Variants in FAM13B observed in about 807,000 individuals in gnomAD.
FAM13B encodes the protein protein FAM13B.
FAM13B carries 60 observed loss-of-function variants against 117.3 expected under a neutral mutation model. The ratio of observed to expected loss-of-function variants is 0.51; its 90% CI spans 0.42 to 0.63. FAM13B has a LOEUF of 0.63. Ranked by LOEUF, FAM13B falls within the 30% of genes least tolerant of loss-of-function variation. FAM13B has a pLI of 0.00. For synonymous variants in FAM13B, 332 were observed against 356.1 expected (o/e 0.93, Z 0.76); for missense variants, 972 against 1,091.9 (o/e 0.89, Z 1.55).
In FAM13B at chr5:138,021,212, C is replaced by A. The variant is rs1182522644; in HGVS notation, c.-202-15G>T. On this transcript the variant is annotated splice_polypyrimidine_tract_variant and intron_variant, in intron 1 of 23. Coordinates refer to ENST00000689681, the MANE Select transcript of FAM13B (RefSeq NM_001385994.1). ...CAGCAGTTAATCTACAAGACAAAAA[C>A]AATTATTTCAATTTCCCACATCTTT... 4 of 1,230,650 alleles carry A rather than the reference C, an allele frequency of 3.3e-6. No homozygotes were observed. The highest frequency in any genetic ancestry group is 4.1e-6 in the Non-Finnish European group (4 of 987,148). 76.2% of individuals were successfully genotyped at this position (1,230,650 alleles called of 1,614,324 possible). A position where few individuals can be genotyped will look rare whatever the true frequency, so the allele number is the denominator to read the frequency against.
chr5:137,991,808 A>G (rs1778665687), intron 7 of FAM13B, among the ~76,000 whole-genome samples: 1 of 152,236 alleles, frequency 6.6e-6, no homozygotes, highest in Non-Finnish European at 1.5e-5. Context: ...CATGAAAGGT[A>G]AAATAATAAA....
chr5:138,041,653 A>C (rs1212550056), intron 1 of FAM13B, among the ~76,000 whole-genome samples: 1 of 152,136 alleles, frequency 6.6e-6, no homozygotes, highest in East Asian at 1.9e-4. Context: ...TAAAAGTCAA[A>C]GAGCTGGGCA....
At chr5:138,035,331 T>C (rs1033341666), upstream of FAM13B, among the ~76,000 whole-genome samples, 10 of 151,980 alleles carry the variant, frequency 6.6e-5, no homozygotes, top group African/African-American at 2.4e-4. Context: ...TTTTATACCC[T>C]ACCCACAAAG....
Position 137,954,169 on chromosome 5 carries a change from G to A in FAM13B, c.1715C>T (p.Thr572Ile). 1.2e-6 allele frequency: 2 copies of A among 1,611,400 alleles called. No individual in the cohort carries two copies. The highest frequency in any genetic ancestry group is 1.7e-6 in the Non-Finnish European group (2 of 1,178,802). ...TAAGTACATAAAAATCATATACCTA[G>A]TAAAAGACAGTGCTTTAGATGAGGA... The part of the protein sequence containing the change: ...LDSSSKALSF[T>I]RIRRSSFSSK... Residue 572 changes from threonine (T) to isoleucine (I), a missense_variant, in exon 15 of 24, where the codon ACT becomes ATT. Physicochemically the swap from Thr to Ile is moderately conservative, Grantham distance 89. Transcript: ENST00000689681.
chr5:138,009,888 C>T (rs952234909), intron 6 of FAM13B, among the ~76,000 whole-genome samples: 2 of 150,220 alleles, frequency 1.3e-5, no homozygotes, highest in African/African-American at 4.9e-5. Flanking sequence ...AGCAAAATAT[C>T]AAAAAAAATT....
At chr5:137,972,864 T>A (rs1462208992) in intron 10 of FAM13B, among the ~76,000 whole-genome samples, 4 of 151,800 alleles carry the variant, frequency 2.6e-5, no homozygotes, top group African/African-American at 4.8e-5. Flanking sequence ...CACAATTGCT[T>A]CAAAGAGAAT....
At position 138,018,472 on chromosome 5, in the gene FAM13B, G is replaced by A. The variant is rs138794234; in HGVS notation, c.200C>T (p.Ala67Val). 17 of 1,614,002 alleles carry A rather than the reference G, an allele frequency of 1.1e-5. No individual in the cohort carries two copies. The highest frequency in any genetic ancestry group is 1.4e-5 in the Non-Finnish European group (17 of 1,180,032). The change falls in exon 4 of 24, where the codon GCT (alanine) becomes GTT (valine). Residue 67 changes from alanine (A) to valine (V), a missense_variant. Coordinates refer to ENST00000689681, the MANE Select transcript of FAM13B (RefSeq NM_001385994.1). ...QQGLFQVNGN[A>V]ETVEWLRQRY... ...CTGCCGAAGCCACTCCACTGTCTCA[G>A]CATTTCCATTGACTTGAAAAAGTCC...
intron 1 of FAM13B, among the ~76,000 whole-genome samples, chr5:138,041,611 T>C (rs1791501871): frequency 1.3e-5 from 2 of 152,108 alleles, no homozygotes; most frequent in Non-Finnish European, 2.9e-5. Context: ...ATATGAGTAA[T>C]TACAATCAGT....
Position 138,040,178 on chromosome 5 carries a change from C to G in FAM13B, c.-203+11700G>C, listed in dbSNP as rs192454434. On this transcript the variant is annotated intron_variant, in intron 1 of 3. Coordinates refer to the FAM13B transcript ENST00000502471. ...ACTGGGGAGGCTGAGGCAGGAGAAT[C>G]ATTTGAACCCAGGAGGCAGAGGTTG... 1.3e-3 allele frequency among the ~76,000 whole-genome samples: 185 copies of G among 138,900 alleles called. 3 individuals carry two copies. Among genetic ancestry groups the G allele is most frequent in the Middle Eastern group, 0.013 (3 of 234 alleles). The allele number at this position is 138,900 out of a possible 152,430, so 91.1% of individuals were successfully genotyped here. A position where few individuals can be genotyped will look rare whatever the true frequency, so the allele number is the denominator to read the frequency against.
rs1444014521 is a variant in FAM13B at position 137,949,151 on chromosome 5, A to G, written c.1964T>C (p.Val655Ala). Residue 655 changes from valine to alanine, a missense_variant, in exon 18 of 24, where the codon GTA becomes GCA. Coordinates refer to ENST00000689681, the MANE Select transcript of FAM13B (RefSeq NM_001385994.1). ...GTTACTACGTGGACGTGTCTGAGGT[A>G]CAAATTCTCCATCAGAATTTTTGTG... ...AKHKNSDGEF[V>A]PQTRPRSNTL... 15 of 1,614,040 alleles carry G rather than the reference A, an allele frequency of 9.3e-6. No individual in the cohort carries two copies. Among genetic ancestry groups the G allele is most frequent in the Non-Finnish European group, 1.1e-5 (13 of 1,180,044 alleles).
At chr5:137,978,618 C>T (rs1016262246) in intron 10 of FAM13B, among the ~76,000 whole-genome samples, 1 of 152,150 alleles carries the variant, frequency 6.6e-6, no homozygotes, top group African/African-American at 2.4e-5. Flanking sequence ...CCTCCTTTTA[C>T]CTCTCTATTT....
At chr5:137,946,868 T>C (rs746128554) in intron 18 of FAM13B, among the ~76,000 whole-genome samples, 2 of 152,238 alleles carry the variant, frequency 1.3e-5, no homozygotes, top group Non-Finnish European at 2.9e-5. Context: ...GGAAGCAGTA[T>C]AGTGGAAAGA....
rs1011672684 is a variant in FAM13B at position 138,032,934 on chromosome 5, G to A, written c.-355C>T. 9 of 985,892 alleles carry A rather than the reference G, an allele frequency of 9.1e-6. No homozygotes were observed. The Middle Eastern group carries it at 1.5e-3, about 169-fold the overall frequency. The allele number at this position is 985,892 out of a possible 1,614,324, so 61.1% of individuals were successfully genotyped here. A position where few individuals can be genotyped will look rare whatever the true frequency, so the allele number is the denominator to read the frequency against. ...CTGACGGGAGGTTAAAGCTACGGCT[G>A]TGGCGCGGGGCCAGCCCGGTAAGCG... On this transcript the variant is annotated 5_prime_UTR_variant, in exon 1 of 24. Transcript: ENST00000689681.
intron 18 of FAM13B, among the ~76,000 whole-genome samples, chr5:137,947,189 C>CGAG (rs1561732345): frequency 1.3e-5 from 2 of 152,228 alleles, no homozygotes; most frequent in African/African-American, 4.8e-5. Context: ...ACCAAATAAT[C>CGAG]TCTCTACTTA....
chr5:137,942,734 A>C, intron 22 of FAM13B, 141 bp downstream of exon 22: 3 of 644,670 alleles, frequency 4.7e-6, no homozygotes, highest in Non-Finnish European at 7.5e-6. Context: ...ATATTTGCAA[A>C]TCACACTTGA....
upstream of FAM13B, among the ~76,000 whole-genome samples, chr5:138,052,176 C>T (rs375113465): frequency 2.1e-4 from 32 of 151,754 alleles, no homozygotes; most frequent in Middle Eastern, 3.2e-3. Context: ...CAACACCCTC[C>T]TGCTGTGCTA....
intron 7 of FAM13B, among the ~76,000 whole-genome samples, chr5:137,993,639 T>G (rs969499471): frequency 6.7e-6 from 1 of 149,818 alleles, no homozygotes; most frequent in Non-Finnish European, 1.5e-5. Context: ...ACAAAAAAAT[T>G]AGCTAGGCAT....
intron 1 of FAM13B, among the ~76,000 whole-genome samples, chr5:138,041,841 G>T (rs1014212730): frequency 2.0e-5 from 3 of 151,562 alleles, no homozygotes; most frequent in Non-Finnish European, 4.4e-5. Context: ...ATTCAAGCCT[G>T]CAGTAAGCAC....
intron 10 of FAM13B, among the ~76,000 whole-genome samples, chr5:137,967,022 G>T (rs1048000921): frequency 6.6e-6 from 1 of 151,346 alleles, no homozygotes; most frequent in Non-Finnish European, 1.5e-5. Context: ...TGAAACCATA[G>T]AAGTATTTTT....
Sources: gnomAD v4.1 joint callset for allele counts (sites outside exome capture counted in the v4.1 genomes callset) on GRCh38, gnomAD v4.1.1 for gene constraint, MANE v1.5 for transcripts, NCBI Gene and HGNC (gene_info 2026-07-23, HGNC 2026-07-21) for gene names.